Variants in TCAIM observed in about 807,000 individuals in gnomAD.
The protein encoded by TCAIM is T cell activation inhibitor, mitochondrial, also known as T-cell activation inhibitor, mitochondrial.
Under a neutral mutation model 58.6 loss-of-function variants are expected in TCAIM, and 36 were observed. The observed-to-expected ratio is 0.61, with a 90% CI of 0.47 to 0.81. The LOEUF is 0.81. Among genes scored for constraint, TCAIM ranks in the 30% least tolerant of loss-of-function variants. TCAIM has a pLI of 0.00. For synonymous variants in TCAIM, 172 were observed against 193.6 expected, an observed-to-expected ratio of 0.89 and a Z score of 0.93; for missense variants, 466 against 579.6, an observed-to-expected ratio of 0.80 and a Z score of 2.01.
chr3:44,341,976 C>T (rs1230072192), intron 1 of TCAIM, among the ~76,000 whole-genome samples: 1 of 152,096 alleles, frequency 6.6e-6, no homozygotes, highest in African/African-American at 2.4e-5. Context: ...TGTGTCTTTC[C>T]ACCATTTTAT....
chr3:44,344,429 A>T (rs1167079692), intron 1 of TCAIM, among the ~76,000 whole-genome samples: 1 of 152,236 alleles, frequency 6.6e-6, no homozygotes, highest in Non-Finnish European at 1.5e-5. Context: ...AAACTATCAT[A>T]AACCAGATAG....
chr3:44,392,969 A>G lies in TCAIM; in HGVS notation c.687A>G (p.Ser229=), dbSNP rs1315036224. The G allele has an allele frequency of 6.2e-7, 1 of 1,609,280 alleles. No homozygotes were observed. The highest frequency in any genetic ancestry group is 8.5e-7 in the Non-Finnish European group (1 of 1,177,792). ...AACTGTCTCATCAATTGCAACTCTC[A>G]GATATCAGGTAAGAAAGAAGAGAGA... The part of the protein sequence containing the change: ...KDELSHQLQL[S]DIRWQRSWGI... The change falls in exon 6 of 11, where the codon TCA becomes TCG. Residue 229 remains serine (S), a synonymous_variant. Coordinates refer to ENST00000342649, the MANE Select transcript of TCAIM (RefSeq NM_173826.4).
At chr3:44,399,013 G>A (rs1407846947) in intron 8 of TCAIM, among the ~76,000 whole-genome samples, 2 of 152,238 alleles carry the variant, frequency 1.3e-5, no homozygotes, top group African/African-American at 4.8e-5. Flanking sequence ...CCAGGAAGTA[G>A]AGAGAGGGGA....
chr3:44,396,666 GTTTATACACTATTTGCACAA>G (rs1701940188), intron 7 of TCAIM, 57 bp from the exon 8 acceptor site: 2 of 1,516,300 alleles, frequency 1.3e-6, no homozygotes, highest in African/African-American at 1.4e-5. Context: ...TTAATCCTGG[GTTTATACACTATTTGCACAA>G]TGCTGAAAGA....
At chr3:44,360,763 G>A (rs756602496) in intron 3 of TCAIM, among the ~76,000 whole-genome samples, 14 of 151,796 alleles carry the variant, frequency 9.2e-5, no homozygotes, top group African/African-American at 1.2e-4. Flanking sequence ...GTACCACCGT[G>A]CCCAACTAAT....
intron 4 of TCAIM, among the ~76,000 whole-genome samples, chr3:44,365,721 A>G (rs1701363754): frequency 6.6e-6 from 1 of 152,232 alleles, no homozygotes; most frequent in African/African-American, 2.4e-5. Context: ...AATGTTCCAT[A>G]TCTGCATCAT....
chr3:44,400,220 C>A, intron 8 of TCAIM, 135 bp from the exon 9 acceptor site: 1 of 662,210 alleles, frequency 1.5e-6, no homozygotes, highest in Admixed American at 3.4e-5. Flanking sequence ...GTTTTTTTAT[C>A]TCTTACTTGA....
rs895671654 is a variant in TCAIM at position 44,408,017 on chromosome 3, T to G, written c.*335T>G. 6.3e-6 allele frequency: 1 copy of G among 159,012 alleles called. No individual in the cohort carries two copies. Among genetic ancestry groups the G allele is most frequent in the Middle Eastern group, 2.8e-3 (1 of 356 alleles). 9.9% of individuals were successfully genotyped at this position (159,012 alleles called of 1,614,324 possible). A position where few individuals can be genotyped will look rare whatever the true frequency, so the allele number is the denominator to read the frequency against. On this transcript the variant is annotated 3_prime_UTR_variant, in exon 11 of 11. Transcript: ENST00000342649. The stretch of plus-strand genomic sequence containing the variant: ...ACCTTGTCTCAAAAAATAATAATGA[T>G]AATTTAAAATAAATAAGTAACTAAT...
chr3:44,350,461 C>G (rs574302909), intron 1 of TCAIM, among the ~76,000 whole-genome samples: 1 of 151,224 alleles, frequency 6.6e-6, no homozygotes, highest in Admixed American at 6.6e-5. Flanking sequence ...AGGCAGGGGT[C>G]TTGCTCTGTC....
intron 3 of TCAIM, among the ~76,000 whole-genome samples, chr3:44,360,069 T>A (rs1701270770): frequency 6.6e-6 from 1 of 152,198 alleles, no homozygotes. Context: ...CAGACTACAC[T>A]ATTACTTGTG....
chr3:44,339,682 TC>T (rs1277813621), intron 1 of TCAIM: 1 of 152,206 alleles, frequency 6.6e-6, no homozygotes, highest in Non-Finnish European at 1.5e-5. Context: ...TCTGCCCTCT[TC>T]CAGGAAAGGC....
At chr3:44,362,936 G>A (rs1701316282) in intron 4 of TCAIM, 1 of 152,238 alleles carries the variant, frequency 6.6e-6, no homozygotes, top group Non-Finnish European at 1.5e-5. Flanking sequence ...TTACATATAT[G>A]TAGTGGTCTA....
intron 4 of TCAIM, 23 bp downstream of exon 4, chr3:44,361,541 G>A (rs373365719): frequency 9.6e-6 from 15 of 1,559,752 alleles, no homozygotes; most frequent in African/African-American, 1.4e-5. Context: ...TTTCTGGTGT[G>A]TCCCTTGCAA....
At chr3:44,378,883 G>C (rs1435373696) in intron 5 of TCAIM, among the ~76,000 whole-genome samples, 1 of 151,964 alleles carries the variant, frequency 6.6e-6, no homozygotes, top group African/African-American at 2.4e-5. Flanking sequence ...GCCAGGCCAG[G>C]CACAGTTGCT....
At position 44,354,812 on chromosome 3, in the gene TCAIM, G is replaced by T; in HGVS notation, c.29+1G>T. ...TTTGCCACCTGAGACCTATGAGGAG[G>T]TAAGCATCATGGTCCAATCTGTAAT... On this transcript the variant is annotated splice_donor_variant, in intron 2 of 10. Transcript: ENST00000342649. LOFTEE classifies it high-confidence loss of function. 6.2e-7 allele frequency: 1 copy of T among 1,610,992 alleles called. No individual in the cohort carries two copies. Among genetic ancestry groups the T allele is most frequent in the Non-Finnish European group, 8.5e-7 (1 of 1,179,290 alleles).
chr3:44,348,873 AT>A, intron 1 of TCAIM, among the ~76,000 whole-genome samples: 1 of 152,286 alleles, frequency 6.6e-6, no homozygotes, highest in African/African-American at 2.4e-5. Flanking sequence ...GAAAGGTCTG[AT>A]AGAGAAAAAA....
intron 2 of TCAIM, 72 bp downstream of exon 2, chr3:44,354,883 A>G: frequency 1.3e-6 from 2 of 1,515,250 alleles, no homozygotes; most frequent in Non-Finnish European, 1.8e-6. Context: ...GGTTTATTTC[A>G]GTTTGTTATT....
At chr3:44,367,795 A>G (rs571882870) in intron 5 of TCAIM, 87 bp downstream of exon 5, 2 of 1,326,486 alleles carry the variant, frequency 1.5e-6, no homozygotes, top group Admixed American at 3.0e-5. Context: ...ACATTTTTTT[A>G]TAAATAAAAA....
intron 1 of TCAIM, among the ~76,000 whole-genome samples, chr3:44,349,375 G>A (rs941026268): frequency 6.6e-6 from 1 of 152,182 alleles, no homozygotes; most frequent in Non-Finnish European, 1.5e-5. Context: ...CGGTATTGCA[G>A]AAGAAAATAA....
Sources: gnomAD v4.1 joint callset for allele counts (sites outside exome capture counted in the v4.1 genomes callset) on GRCh38, gnomAD v4.1.1 for gene constraint, MANE v1.5 for transcripts, NCBI Gene and HGNC (gene_info 2026-07-23, HGNC 2026-07-21) for gene names.